ANTXR1: variants seen among roughly 807,000 people sequenced by gnomAD.
ANTXR1 encodes the protein ANTXR cell adhesion molecule 1.
ANTXR1 carries 19 observed loss-of-function variants against 78.1 expected under a neutral mutation model. The observed-to-expected ratio is 0.24, with a 90% CI of 0.17 to 0.36. The LOEUF (loss-of-function observed/expected upper bound fraction) is 0.36, where lower values mean the gene tolerates loss of function less well. Among genes scored for constraint, ANTXR1 ranks in the 10% least tolerant of loss-of-function variants. The pLI, the probability that ANTXR1 is intolerant of heterozygous loss-of-function variation, is 1.00. For synonymous variants in ANTXR1, 273 were observed against 260.5 expected, an observed-to-expected ratio of 1.05 and a Z score of -0.46; for missense variants, 518 against 718.6, an observed-to-expected ratio of 0.72 and a Z score of 3.19.
intron 2 of ANTXR1, among the ~76,000 whole-genome samples, chr2:69,043,309 T>C (rs1327790321): frequency 6.6e-6 from 1 of 152,230 alleles, no homozygotes; most frequent in Non-Finnish European, 1.5e-5. Context: ...CTATCAGGAT[T>C]GGTACTATAG....
At chr2:69,022,891 A>C (rs1250467473) in intron 1 of ANTXR1, among the ~76,000 whole-genome samples, 12 of 152,234 alleles carry the variant, frequency 7.9e-5, no homozygotes, top group Non-Finnish European at 1.5e-5. Context: ...AGCAAAGGTC[A>C]CTGAGAGGCC....
intron 12 of ANTXR1, among the ~76,000 whole-genome samples, chr2:69,147,143 T>C (rs564562073): frequency 6.6e-6 from 1 of 152,330 alleles, no homozygotes; most frequent in East Asian, 1.9e-4. Context: ...GGCTATGCCA[T>C]GTGAGCCCTG....
chr2:69,161,975 C>T (rs1673693801), intron 13 of ANTXR1, among the ~76,000 whole-genome samples: 1 of 151,818 alleles, frequency 6.6e-6, no homozygotes, highest in Non-Finnish European at 1.5e-5. Context: ...AATACAGGCA[C>T]ATTTATTTGA....
At chr2:69,098,247 CCTCA>C (rs1671496619) in intron 9 of ANTXR1, among the ~76,000 whole-genome samples, 1 of 152,108 alleles carries the variant, frequency 6.6e-6, no homozygotes, top group African/African-American at 2.4e-5. Context: ...ATCAATTATG[CCTCA>C]CTCAAGTTGT....
intron 10 of ANTXR1, among the ~76,000 whole-genome samples, chr2:69,114,351 C>T (rs908068092): frequency 3.3e-5 from 5 of 152,198 alleles, no homozygotes; most frequent in Non-Finnish European, 5.9e-5. Flanking sequence ...AAACAGTTCT[C>T]AATGCTGGTG....
intron 13 of ANTXR1, among the ~76,000 whole-genome samples, chr2:69,154,682 A>C (rs1011857024): frequency 8.5e-5 from 13 of 152,242 alleles, no homozygotes; most frequent in Non-Finnish European, 1.9e-4. Flanking sequence ...ACCTACTAGC[A>C]GAGCCGCATC....
chr2:69,153,024 G>GA (rs925162143), intron 13 of ANTXR1, among the ~76,000 whole-genome samples: 110 of 150,904 alleles, frequency 7.3e-4, no homozygotes, highest in African/African-American at 2.3e-3. Context: ...GCCAAATAAA[G>GA]AAAAAAAAAC....
At chr2:69,244,695 G>T (rs537604970) in intron 17 of ANTXR1, among the ~76,000 whole-genome samples, 2 of 152,302 alleles carry the variant, frequency 1.3e-5, no homozygotes, top group African/African-American at 4.8e-5. Context: ...TTCCAGGCAT[G>T]TAACTGAACT....
Position 69,193,397 on chromosome 2 carries a change from T to C in ANTXR1, c.1416T>C (p.Arg472=), listed in dbSNP as rs374062082. ...GATATGATCGTGTGTCTGTGATGCG[T>C]CCACAGCCAGGAGACACGGTAGGAC... The part of the protein sequence containing the change: ...RKGYDRVSVM[R]PQPGDTGRCI... Residue 472 remains arginine, a synonymous_variant, in exon 17 of 18, where the codon CGT becomes CGC. Coordinates refer to ENST00000303714, the MANE Select transcript of ANTXR1 (RefSeq NM_032208.3). 3 of 1,613,118 alleles carry C rather than the reference T, an allele frequency of 1.9e-6. No individual in the cohort carries two copies. The highest frequency in any genetic ancestry group is 2.5e-6 in the Non-Finnish European group (3 of 1,179,678).
At chr2:69,161,440 A>G (rs1673679804) in intron 13 of ANTXR1, among the ~76,000 whole-genome samples, 1 of 152,208 alleles carries the variant, frequency 6.6e-6, no homozygotes, top group African/African-American at 2.4e-5. Context: ...TTCTGGTACC[A>G]CATTCCAAAT....
chr2:69,201,225 C>T (rs1024867841), intron 17 of ANTXR1, among the ~76,000 whole-genome samples: 2 of 152,138 alleles, frequency 1.3e-5, no homozygotes, highest in Non-Finnish European at 2.9e-5. Context: ...GCCTTGGAGT[C>T]CAAATGCCTT....
intron 8 of ANTXR1, among the ~76,000 whole-genome samples, chr2:69,088,719 T>C (rs1182533046): frequency 6.6e-6 from 1 of 152,198 alleles, no homozygotes; most frequent in Non-Finnish European, 1.5e-5. Flanking sequence ...GTCCCAGTCC[T>C]AATACGGTGC....
intron 14 of ANTXR1, among the ~76,000 whole-genome samples, chr2:69,176,182 A>T (rs1200768877): frequency 6.6e-6 from 1 of 152,182 alleles, no homozygotes; most frequent in African/African-American, 2.4e-5. Flanking sequence ...AAAAAAAAAA[A>T]AAAAGAACAT....
At chr2:69,079,599 T>G (rs1239874701) in intron 8 of ANTXR1, among the ~76,000 whole-genome samples, 1 of 152,054 alleles carries the variant, frequency 6.6e-6, no homozygotes, top group Non-Finnish European at 1.5e-5. Flanking sequence ...AGACATTGGG[T>G]TGAAACCAGA....
chr2:69,186,449 C>G (rs1558631296), intron 16 of ANTXR1, among the ~76,000 whole-genome samples: 1 of 152,194 alleles, frequency 6.6e-6, no homozygotes, highest in African/African-American at 2.4e-5. Flanking sequence ...TATGTGGTAC[C>G]ATAAACTCTG....
intron 17 of ANTXR1, among the ~76,000 whole-genome samples, chr2:69,237,308 A>T (rs1175328468): frequency 6.6e-6 from 1 of 152,270 alleles, no homozygotes; most frequent in Non-Finnish European, 1.5e-5. Context: ...ACAGCACATA[A>T]AAGGCAGGCT....
chr2:69,068,534 G>A (rs1176857426), intron 3 of ANTXR1, among the ~76,000 whole-genome samples: 7 of 152,200 alleles, frequency 4.6e-5, no homozygotes, highest in Non-Finnish European at 8.8e-5. Context: ...GGAGAAAGGG[G>A]CTTGGGAAGA....
At chr2:69,228,297 T>C (rs1325097766) in intron 17 of ANTXR1, among the ~76,000 whole-genome samples, 1 of 152,174 alleles carries the variant, frequency 6.6e-6, no homozygotes, top group Non-Finnish European at 1.5e-5. Flanking sequence ...CATGGAAAGC[T>C]GGAACAGAAC....
chr2:69,121,776 G>T (rs190377891), intron 10 of ANTXR1, among the ~76,000 whole-genome samples: 4 of 152,208 alleles, frequency 2.6e-5, no homozygotes, highest in African/African-American at 9.6e-5. Context: ...CAGCCTTTTT[G>T]TACAGCACAT....
Sources: allele counts gnomAD v4.1 joint callset (sites outside exome capture counted in the v4.1 genomes callset), GRCh38; gene constraint gnomAD v4.1.1; transcripts MANE v1.5; gene names NCBI Gene and HGNC (gene_info 2026-07-23, HGNC 2026-07-21).